The following SHQ1 variants were observed in gnomAD, a reference collection of about 807,000 sequenced individuals.
SHQ1 encodes the protein protein SHQ1 homolog.
SHQ1 carries 49 observed loss-of-function variants against 53.8 expected under a neutral mutation model. That is an observed-to-expected ratio of 0.91 (90% confidence interval 0.72 to 1.16). The LOEUF (loss-of-function observed/expected upper bound fraction) is 1.16, where lower values mean the gene tolerates loss of function less well. SHQ1 is among the 50% of genes most tolerant of loss of function. The probability of loss-of-function intolerance (pLI) is 0.00; values close to 1 mark genes in which losing one functional copy is unlikely to be tolerated. For synonymous variants in SHQ1, 243 were observed against 251.0 expected, an observed-to-expected ratio of 0.97 and a Z score of 0.30; for missense variants, 738 against 683.1, an observed-to-expected ratio of 1.08 and a Z score of -0.90.
the SHQ1 span, among the ~76,000 whole-genome samples, chr3:72,729,150 G>A: frequency 2.0e-5 from 3 of 152,154 alleles, no homozygotes; most frequent in Non-Finnish European, 4.4e-5. Context: ...GGGAGGCCCC[G>A]AGCTTTTATC....
At chr3:72,730,639 T>C in the SHQ1 span, among the ~76,000 whole-genome samples, 1 of 152,164 alleles carries the variant, frequency 6.6e-6, no homozygotes, top group Non-Finnish European at 1.5e-5. Context: ...GGGAAGTCAG[T>C]CACTGGCCAC....
At chr3:72,826,737 G>C (rs896828687) in intron 5 of SHQ1, among the ~76,000 whole-genome samples, 1 of 152,236 alleles carries the variant, frequency 6.6e-6, no homozygotes, top group African/African-American at 2.4e-5. Flanking sequence ...GGGTGGGACA[G>C]AGTATTCTGT....
chr3:72,837,628 T>G (rs2106944170), intron 4 of SHQ1, among the ~76,000 whole-genome samples: 1 of 152,314 alleles, frequency 6.6e-6, no homozygotes, highest in African/African-American at 2.4e-5. Flanking sequence ...AATAAACTTG[T>G]GAGAAAATAC....
chr3:72,799,154 CAA>C (rs200653110), intron 9 of SHQ1, among the ~76,000 whole-genome samples: 1 of 129,404 alleles, frequency 7.7e-6, no homozygotes. Flanking sequence ...TCCATCTCTA[CAA>C]AAAAAAAAAT....
chr3:72,747,824 C>T (rs1415562955), downstream of SHQ1, among the ~76,000 whole-genome samples: 1 of 151,380 alleles, frequency 6.6e-6, no homozygotes, highest in Non-Finnish European at 1.5e-5. Context: ...CCCATCTCTA[C>T]TAAAAATACA....
At chr3:72,765,605 G>A (rs983867256) in intron 10 of SHQ1, among the ~76,000 whole-genome samples, 91 of 139,954 alleles carry the variant, frequency 6.5e-4, no homozygotes, top group Non-Finnish European at 1.2e-3. Context: ...CCAGGCTGGC[G>A]TGCAGTGGTG....
chr3:72,818,646 T>C (rs1290486880), intron 6 of SHQ1, among the ~76,000 whole-genome samples: 1 of 152,160 alleles, frequency 6.6e-6, no homozygotes, highest in Non-Finnish European at 1.5e-5. Context: ...TATCATTATG[T>C]GGGGATGGAG....
chr3:72,819,741 T>TTTAATTAA (rs1707420509), intron 6 of SHQ1, among the ~76,000 whole-genome samples: 1 of 152,178 alleles, frequency 6.6e-6, no homozygotes, highest in South Asian at 2.1e-4. Context: ...TAATTTAAAA[T>TTTAATTAA]TTACTGGATT....
chr3:72,847,374 T>C (rs1708372656), intron 1 of SHQ1, among the ~76,000 whole-genome samples: 1 of 152,126 alleles, frequency 6.6e-6, no homozygotes, highest in Admixed American at 6.6e-5. Flanking sequence ...GACAAGAGAT[T>C]GGCAATACTT....
chr3:72,847,655 C>A (rs1708387361), intron 1 of SHQ1, among the ~76,000 whole-genome samples: 1 of 152,064 alleles, frequency 6.6e-6, no homozygotes, highest in South Asian at 2.1e-4. Context: ...AGAAGAGCAG[C>A]AGACAGCAGG....
intron 10 of SHQ1, among the ~76,000 whole-genome samples, chr3:72,758,362 C>G (rs1023232517): frequency 8.5e-5 from 13 of 152,136 alleles, no homozygotes; most frequent in African/African-American, 3.1e-4. Context: ...AACACAACTT[C>G]TCATACAAAT....
intron 10 of SHQ1, among the ~76,000 whole-genome samples, chr3:72,765,754 T>C (rs954662993): frequency 7.9e-5 from 12 of 151,602 alleles, no homozygotes; most frequent in African/African-American, 2.4e-4. Context: ...GGTTTCGCCA[T>C]GTTGGCCAGG....
At chr3:72,795,741 CTG>C (rs1706591498) in intron 9 of SHQ1, among the ~76,000 whole-genome samples, 1 of 152,198 alleles carries the variant, frequency 6.6e-6, no homozygotes, top group African/African-American at 2.4e-5. Context: ...AGCTTCTCTG[CTG>C]TGTGACACCT....
the SHQ1 span, among the ~76,000 whole-genome samples, chr3:72,735,349 C>A: frequency 1.4e-5 from 2 of 147,386 alleles, no homozygotes; most frequent in African/African-American, 5.0e-5. Context: ...TTCCAGCCAT[C>A]CTAGCTCGAG....
chr3:72,831,213 A>G (rs1054348560), intron 5 of SHQ1, among the ~76,000 whole-genome samples: 2 of 152,344 alleles, frequency 1.3e-5, no homozygotes, highest in Middle Eastern at 6.8e-3. Context: ...TTCCCTTAGG[A>G]TGTTGAACAG....
At chr3:72,747,470 A>G (rs1705276300), downstream of SHQ1, among the ~76,000 whole-genome samples, 1 of 152,234 alleles carries the variant, frequency 6.6e-6, no homozygotes, top group Non-Finnish European at 1.5e-5. Context: ...GAGAGACAGA[A>G]AACAAGGTGA....
intron 10 of SHQ1, among the ~76,000 whole-genome samples, chr3:72,786,565 C>A (rs2106773948): frequency 6.6e-6 from 1 of 152,322 alleles, no homozygotes; most frequent in East Asian, 1.9e-4. Flanking sequence ...CCAATTCTTA[C>A]AAACCTTTCA....
In SHQ1 at chr3:72,817,388, G is replaced by A; in HGVS notation, c.728-4C>T. On this transcript the variant is annotated splice_polypyrimidine_tract_variant and splice_region_variant and intron_variant, in intron 6 of 10. Coordinates refer to ENST00000325599, the MANE Select transcript of SHQ1 (RefSeq NM_018130.3). ...TTCTCTTCTTCAGAAAAAGACACTA[G>A]AAGAAAACGCATTTAAAAACTAGAT... 2 of 1,599,532 alleles carry A rather than the reference G, an allele frequency of 1.3e-6. No homozygotes were observed. The highest frequency in any genetic ancestry group is 1.7e-6 in the Non-Finnish European group (2 of 1,172,114).
chr3:72,740,647 C>T, the SHQ1 span, among the ~76,000 whole-genome samples: 1 of 152,178 alleles, frequency 6.6e-6, no homozygotes, highest in Non-Finnish European at 1.5e-5. Context: ...AGGCCTAATG[C>T]TCAGGCGTTA....
Sources: gnomAD v4.1 joint callset for allele counts (sites outside exome capture counted in the v4.1 genomes callset) on GRCh38, gnomAD v4.1.1 for gene constraint, MANE v1.5 for transcripts, NCBI Gene and HGNC (gene_info 2026-07-23, HGNC 2026-07-21) for gene names.